The following NME9 variants were observed in gnomAD, a reference collection of about 807,000 sequenced individuals.
The protein encoded by NME9 is NME/NM23 family member 9.
Under a neutral mutation model 44.4 loss-of-function variants are expected in NME9, and 48 were observed. The observed-to-expected ratio is 1.08, with a 90% CI of 0.86 to 1.37. The LOEUF is 1.37. Among genes scored for constraint, NME9 ranks in the 40% most tolerant of loss-of-function variants. NME9 has a pLI of 0.00. For missense variants in NME9, 325 were observed against 405.2 expected (o/e 0.80, Z 1.70); for synonymous variants, 139 against 147.1 (o/e 0.94, Z 0.40).
At chr3:138,307,177 A>G (rs2108436030) in intron 6 of NME9, among the ~76,000 whole-genome samples, 1 of 152,324 alleles carries the variant, frequency 6.6e-6, no homozygotes, top group African/African-American at 2.4e-5. Flanking sequence ...GGTTTTAGCC[A>G]AGGTACCAGC....
chr3:138,316,053 C>G (rs1281111185), intron 4 of NME9, among the ~76,000 whole-genome samples: 6 of 152,100 alleles, frequency 3.9e-5, no homozygotes, highest in Admixed American at 3.3e-4. Flanking sequence ...AGGATGGTCT[C>G]GATCTCCTGA....
intron 8 of NME9, among the ~76,000 whole-genome samples, chr3:138,294,738 A>T (rs2051307273): frequency 6.6e-6 from 1 of 152,134 alleles, no homozygotes. Flanking sequence ...TCCCACGATT[A>T]CAGCCTCTTT....
intron 6 of NME9, among the ~76,000 whole-genome samples, chr3:138,307,546 C>A (rs1463401279): frequency 1.3e-5 from 2 of 152,184 alleles, no homozygotes; most frequent in African/African-American, 4.8e-5. Flanking sequence ...ATGTATAAAT[C>A]ATTTCAAGCA....
intron 6 of NME9, among the ~76,000 whole-genome samples, chr3:138,308,084 G>A (rs1469956192): frequency 1.3e-5 from 2 of 152,154 alleles, no homozygotes; most frequent in Admixed American, 6.5e-5. Flanking sequence ...GGTTTTCTAC[G>A]TGGGAGAGAC....
chr3:138,294,967 C>T (rs2051334238), intron 8 of NME9, among the ~76,000 whole-genome samples: 2 of 151,134 alleles, frequency 1.3e-5, no homozygotes, highest in Non-Finnish European at 1.5e-5. Context: ...GGCACCATCT[C>T]AGCTCACTGC....
chr3:138,322,825 A>G (rs1212673031), intron 2 of NME9, among the ~76,000 whole-genome samples: 1 of 152,182 alleles, frequency 6.6e-6, no homozygotes, highest in Non-Finnish European at 1.5e-5. Flanking sequence ...CTACTATCAC[A>G]TAGGGTGCTT....
chr3:138,264,599 T>C (rs2048088329), intron 8 of NME9, among the ~76,000 whole-genome samples: 1 of 151,796 alleles, frequency 6.6e-6, no homozygotes, highest in Admixed American at 6.6e-5. Flanking sequence ...TTTGTATTTT[T>C]AGTAGAGGCG....
At chr3:138,263,487 T>G (rs994532213) in intron 8 of NME9, 15 of 498,206 alleles carry the variant, frequency 3.0e-5, no homozygotes, top group Admixed American at 1.6e-4. Flanking sequence ...ATTTTTGTGT[T>G]AAATGTCTTT....
intron 8 of NME9, among the ~76,000 whole-genome samples, chr3:138,286,295 C>T (rs1299153543): frequency 6.6e-6 from 1 of 152,180 alleles, no homozygotes; most frequent in South Asian, 2.1e-4. Flanking sequence ...GCCTCCTCCT[C>T]TGCCTCTAAA....
downstream of NME9, among the ~76,000 whole-genome samples, chr3:138,299,530 T>C (rs1366539519): frequency 1.3e-5 from 2 of 152,104 alleles, no homozygotes; most frequent in Non-Finnish European, 2.9e-5. Flanking sequence ...TGGGCTGATA[T>C]TTGAGCCACT....
intron 8 of NME9, among the ~76,000 whole-genome samples, chr3:138,270,811 A>C (rs2108297086): frequency 6.6e-6 from 1 of 152,302 alleles, no homozygotes; most frequent in South Asian, 2.1e-4. Context: ...TTAGAGAACC[A>C]TTTCTCCTTA....
rs114752029 is a variant in NME9, at chr3:138,282,754, G to C, written c.746-20168C>G. ...ATTCACTTGGTTCTGATGTCATCTT[G>C]AACTTGGACTCCTAAAACATTGACT... On this transcript the variant is annotated intron_variant, in intron 8 of 8. Transcript: ENST00000317876. 1.7e-3 allele frequency among the ~76,000 whole-genome samples: 262 copies of C among 151,900 alleles called. 1 individual carries two copies. Among genetic ancestry groups the C allele is most frequent in the African/African-American group, 5.9e-3 (245 of 41,406 alleles).
intron 3 of NME9, among the ~76,000 whole-genome samples, chr3:138,318,832 T>C (rs944144712): frequency 6.6e-6 from 1 of 152,232 alleles, no homozygotes; most frequent in Non-Finnish European, 1.5e-5. Flanking sequence ...TTCCCCTTTA[T>C]GGTGCAGAGG....
chr3:138,301,826 G>T, intron 10 of NME9, 122 bp from the exon 11 acceptor site: 1 of 702,798 alleles, frequency 1.4e-6, no homozygotes, highest in Non-Finnish European at 2.4e-6. Context: ...CAGCAAAGAA[G>T]TCCTGATACG....
chr3:138,326,371 AT>A (rs749458860), intron 1 of NME9, among the ~76,000 whole-genome samples: 1 of 152,164 alleles, frequency 6.6e-6, no homozygotes. Flanking sequence ...TAATTAACAT[AT>A]TTTTGTGGTG....
chr3:138,311,306 C>G, intron 6 of NME9, among the ~76,000 whole-genome samples: 1 of 152,078 alleles, frequency 6.6e-6, no homozygotes, highest in East Asian at 1.9e-4. Flanking sequence ...CTAAATTCTA[C>G]CAAACATTTA....
intron 8 of NME9, among the ~76,000 whole-genome samples, chr3:138,287,375 A>G (rs922649109): frequency 6.6e-6 from 1 of 152,060 alleles, no homozygotes; most frequent in Non-Finnish European, 1.5e-5. Context: ...CCTATTCTTT[A>G]AGTCTCTGTT....
chr3:138,274,407 CT>C, intron 8 of NME9: 1 of 1,351,280 alleles, frequency 7.4e-7, no homozygotes, highest in Non-Finnish European at 1.1e-6. Flanking sequence ...GTCCTGTGGT[CT>C]TTGTTTCTTT....
chr3:138,273,231 C>A, intron 8 of NME9: 1 of 1,114,292 alleles, frequency 9.0e-7, no homozygotes, highest in Non-Finnish European at 1.3e-6. Context: ...TCAAATGCTG[C>A]CCCCTTCCAA....
Sources: allele counts gnomAD v4.1 joint callset (sites outside exome capture counted in the v4.1 genomes callset), GRCh38; gene constraint gnomAD v4.1.1; transcripts MANE v1.5; gene names NCBI Gene and HGNC (gene_info 2026-07-23, HGNC 2026-07-21).